The following METTL21A variants were observed in gnomAD, a reference collection of about 807,000 sequenced individuals.
METTL21A encodes methyltransferase 21A, HSPA lysine.
In METTL21A, 22 loss-of-function variants were observed where a neutral mutation model predicts 20.9. That is an observed-to-expected ratio of 1.05 (90% CI 0.75 to 1.50). METTL21A has a LOEUF of 1.50. Among genes scored for constraint, METTL21A ranks in the 40% most tolerant of loss-of-function variants. The probability of loss-of-function intolerance (pLI) is 0.00; values close to 1 mark genes in which losing one functional copy is unlikely to be tolerated. For missense variants in METTL21A, 271 were observed against 266.8 expected, an observed-to-expected ratio of 1.02 and a Z score of -0.11; for synonymous variants, 93 against 102.0, an observed-to-expected ratio of 0.91 and a Z score of 0.53.
chr2:207,620,788 C>G, intron 3 of METTL21A: 1 of 1,154,774 alleles, frequency 8.7e-7, no homozygotes, highest in Non-Finnish European at 1.2e-6. Context: ...TGGAAAGCAG[C>G]AGCTAAGCAG....
intron 3 of METTL21A, among the ~76,000 whole-genome samples, chr2:207,593,389 G>T (rs985835824): frequency 2.0e-5 from 3 of 152,118 alleles, no homozygotes; most frequent in Admixed American, 6.5e-5. Context: ...AATTAGCTGG[G>T]CATGGTGGTG....
At chr2:207,589,846 A>G (rs2084622104) in intron 3 of METTL21A, among the ~76,000 whole-genome samples, 1 of 152,292 alleles carries the variant, frequency 6.6e-6, no homozygotes, top group South Asian at 2.1e-4. Context: ...GCTGGATTCA[A>G]TTTGCTAATA....
At chr2:207,586,106 A>G (rs2083786751) in intron 3 of METTL21A, among the ~76,000 whole-genome samples, 1 of 152,196 alleles carries the variant, frequency 6.6e-6, no homozygotes, top group Non-Finnish European at 1.5e-5. Flanking sequence ...AAAAATTCTT[A>G]TGGAACCAAA....
intron 2 of METTL21A, among the ~76,000 whole-genome samples, chr2:207,622,788 G>T (rs2090651560): frequency 6.6e-6 from 1 of 152,158 alleles, no homozygotes; most frequent in Non-Finnish European, 1.5e-5. Context: ...AGAAAGAAGT[G>T]TATAAAGCTA....
chr2:207,593,719 CTTT>C (rs5838079), intron 3 of METTL21A, among the ~76,000 whole-genome samples: 9 of 102,640 alleles, frequency 8.8e-5, no homozygotes, highest in East Asian at 3.1e-4. Context: ...TCCTCACAAA[CTTT>C]TTTTTTTTTT....
intron 3 of METTL21A, chr2:207,600,238 CATATATAT>C (rs71036937): frequency 1.6e-4 from 24 of 145,678 alleles, no homozygotes; most frequent in South Asian, 2.3e-4. Context: ...TATATGTGTA[CATATATAT>C]ATATATATAT....
At chr2:207,604,460 T>C (rs2256941), downstream of METTL21A, among the ~76,000 whole-genome samples, 128,440 of 152,160 alleles carry the variant, frequency 0.84, 54,403 homozygotes, top group East Asian at 1. Context: ...GTTATCCTTC[T>C]TCTTAACTGT....
intron 3 of METTL21A, among the ~76,000 whole-genome samples, chr2:207,589,162 G>A (rs2084489103): frequency 6.6e-6 from 1 of 152,144 alleles, no homozygotes; most frequent in South Asian, 2.1e-4. Context: ...TTGTTTTCCA[G>A]TTCTATAAGA....
At chr2:207,595,404 C>G (rs990972017) in intron 3 of METTL21A, among the ~76,000 whole-genome samples, 2 of 151,858 alleles carry the variant, frequency 1.3e-5, no homozygotes, top group African/African-American at 4.8e-5. Flanking sequence ...TTCAAAAGTT[C>G]TTTATATATT....
In METTL21A at chr2:207,596,839, G is replaced by GA. The variant is rs72094349; in HGVS notation, c.260-14680dup. 11,340 of 1,293,494 alleles carry GA rather than the reference G, an allele frequency of 8.8e-3. 2 individuals are homozygous for GA. Among genetic ancestry groups the GA allele is most frequent in the Non-Finnish European group, 9.4e-3 (9,063 of 959,404 alleles). 80.1% of individuals were successfully genotyped at this position (1,293,494 alleles called of 1,614,324 possible). A position where few individuals can be genotyped will look rare whatever the true frequency, so the allele number is the denominator to read the frequency against. On this transcript the variant is annotated intron_variant, in intron 3 of 3. Transcript: ENST00000425132. ...TGCTGTGAGCTATTTCTTTAAAAAAGAAAAAAAAAAGGTAATCCAAAATAA... is the reference window on the plus strand; with the variant it reads ...TGCTGTGAGCTATTTCTTTAAAAAAGAAAAAAAAAAAGGTAATCCAAAATAA...
chr2:207,613,113 T>A (rs1198853653), exon 4 of METTL21A: 5 of 1,610,268 alleles, frequency 3.1e-6, no homozygotes, highest in Non-Finnish European at 4.2e-6. Flanking sequence ...AGGATCGTAG[T>A]GAACCTTTCT....
At chr2:207,621,326 A>C (rs1280273542) in intron 3 of METTL21A, among the ~76,000 whole-genome samples, 3 of 152,248 alleles carry the variant, frequency 2.0e-5, no homozygotes, top group African/African-American at 7.2e-5. Flanking sequence ...AGTACAAACT[A>C]TAGTGGGGGC....
downstream of METTL21A, among the ~76,000 whole-genome samples, chr2:207,604,718 A>AG (rs1247187264): frequency 6.6e-6 from 1 of 151,894 alleles, no homozygotes; most frequent in Middle Eastern, 3.2e-3. Flanking sequence ...CTCCAAAAGT[A>AG]AAGTCCCGTT....
At chr2:207,594,631 T>G (rs1460964343) in intron 3 of METTL21A, among the ~76,000 whole-genome samples, 1 of 152,204 alleles carries the variant, frequency 6.6e-6, no homozygotes, top group Admixed American at 6.5e-5. Context: ...GATGGACATT[T>G]GGGCTGCTTC....
intron 3 of METTL21A, among the ~76,000 whole-genome samples, chr2:207,595,508 C>T (rs2085971746): frequency 6.6e-6 from 1 of 151,784 alleles, no homozygotes; most frequent in African/African-American, 2.4e-5. Context: ...GCAGCCTCGA[C>T]CTCCCGGCCT....
exon 1 of METTL21A, chr2:207,625,276 C>T (rs1281991076): frequency 2.0e-5 from 3 of 152,090 alleles, no homozygotes; most frequent in Non-Finnish European, 2.9e-5. Flanking sequence ...GCCCGGGAGG[C>T]GGTCCCGCGT....
intron 3 of METTL21A, chr2:207,598,314 A>G (rs1303223910): frequency 5.4e-6 from 1 of 183,842 alleles, no homozygotes; most frequent in Non-Finnish European, 1.2e-5. Flanking sequence ...TAAAAAGAGT[A>G]GTTATTAGTT....
In METTL21A at chr2:207,624,258, G is replaced by A. The variant is rs1272004812; in HGVS notation, c.118C>T (p.Leu40=). 5 of 1,611,884 alleles carry A rather than the reference G, an allele frequency of 3.1e-6. No individual in the cohort carries two copies. The Admixed American group carries it at 6.7e-5, about 22-fold the overall frequency. ...TCCCAAACCACCGCTGCGACTCCCA[G>A]GTGTCTCCAGTCCTGCCGGATCTGG... The change falls in exon 2 of 4, where the codon CTG becomes TTG. Residue 40 remains leucine, a synonymous_variant. Transcript: ENST00000406927.
chr2:207,613,267 T>A, exon 4 of METTL21A: 1 of 1,613,908 alleles, frequency 6.2e-7, no homozygotes, highest in Non-Finnish European at 8.5e-7. Context: ...TCTAAATATA[T>A]GATATCAGCA....
Sources: gnomAD v4.1 joint callset for allele counts (sites outside exome capture counted in the v4.1 genomes callset) on GRCh38, gnomAD v4.1.1 for gene constraint, MANE v1.5 for transcripts, NCBI Gene and HGNC (gene_info 2026-07-23, HGNC 2026-07-21) for gene names.